The following ADGRB3 variants were observed in gnomAD, a reference collection of about 807,000 sequenced individuals.
The protein encoded by ADGRB3 is brain-specific angiogenesis inhibitor 3.
In ADGRB3, 37 loss-of-function variants were observed where a neutral mutation model predicts 193.4. That is an observed-to-expected ratio of 0.19 (90% CI 0.15 to 0.25). ADGRB3 has a LOEUF of 0.25. Among genes scored for constraint, ADGRB3 ranks in the 10% least tolerant of loss-of-function variants. The pLI, the probability that ADGRB3 is intolerant of heterozygous loss-of-function variation, is 1.00. For synonymous variants in ADGRB3, 690 were observed against 644.2 expected, an observed-to-expected ratio of 1.07 and a Z score of -1.08; for missense variants, 1,637 against 1,852.9, an observed-to-expected ratio of 0.88 and a Z score of 2.14.
intron 3 of ADGRB3, among the ~76,000 whole-genome samples, chr6:68,815,605 GT>G (rs1767616310): frequency 2.7e-5 from 1 of 37,076 alleles, no homozygotes; most frequent in Non-Finnish European, 5.0e-5. Context: ...ATCAAAAATT[GT>G]GTGTGTGTGT....
intron 3 of ADGRB3, among the ~76,000 whole-genome samples, chr6:68,890,766 A>G (rs1386251299): frequency 1.3e-5 from 2 of 152,214 alleles, no homozygotes; most frequent in South Asian, 2.1e-4. Context: ...GAAAATGCCT[A>G]GTATTGAATC....
In ADGRB3 at chr6:68,974,748, T is replaced by G. The variant is rs761424116; in HGVS notation, c.1526-15T>G. The G allele has an allele frequency of 6.2e-7, 1 of 1,611,308 alleles. No individual in the cohort carries two copies. Among genetic ancestry groups the G allele is most frequent in the Non-Finnish European group, 8.5e-7 (1 of 1,177,954 alleles). On this transcript the variant is annotated splice_polypyrimidine_tract_variant and intron_variant, in intron 8 of 31. Transcript: ENST00000370598. Reference sequence around the variant, plus strand: ...AACACTACTGACATTCAAGTCCCTTTGTTTAAAATTGCAGCACCTTATGAA... The same window carrying G: ...AACACTACTGACATTCAAGTCCCTTGGTTTAAAATTGCAGCACCTTATGAA...
intron 3 of ADGRB3, 128 bp from the exon 4 acceptor site, chr6:68,930,431 C>A (rs182378438): frequency 5.7e-4 from 308 of 542,982 alleles, no homozygotes; most frequent in Non-Finnish European, 5.3e-4. Flanking sequence ...ATTAGCCTAG[C>A]AAGTTTAGAA....
At chr6:68,819,668 G>A (rs1767711328) in intron 3 of ADGRB3, among the ~76,000 whole-genome samples, 1 of 151,842 alleles carries the variant, frequency 6.6e-6, no homozygotes, top group African/African-American at 2.4e-5. Context: ...ATTTCCCCAT[G>A]GAAATGTACT....
At chr6:69,094,490 A>G (rs1026246273) in intron 17 of ADGRB3, among the ~76,000 whole-genome samples, 2 of 152,224 alleles carry the variant, frequency 1.3e-5, no homozygotes, top group Non-Finnish European at 2.9e-5. Flanking sequence ...AATGCTAATT[A>G]ATATTTAGCA....
intron 28 of ADGRB3, 23 bp downstream of exon 28, chr6:69,355,883 A>C: frequency 3.2e-6 from 5 of 1,569,990 alleles, no homozygotes; most frequent in Non-Finnish European, 4.4e-6. Flanking sequence ...AGATTTTGAA[A>C]TCTAATCAGT....
chr6:68,866,687 G>A (rs1245668499), intron 3 of ADGRB3, among the ~76,000 whole-genome samples: 1 of 152,176 alleles, frequency 6.6e-6, no homozygotes, highest in Non-Finnish European at 1.5e-5. Flanking sequence ...TAATGGTATG[G>A]ACAATGAAGT....
intron 3 of ADGRB3, among the ~76,000 whole-genome samples, chr6:68,676,346 G>A (rs1016892885): frequency 3.6e-5 from 5 of 138,984 alleles, no homozygotes; most frequent in Non-Finnish European, 7.5e-5. Flanking sequence ...AGCCCAGCTC[G>A]CACCACTGCA....
At chr6:68,706,249 G>C (rs1395988430) in intron 3 of ADGRB3, among the ~76,000 whole-genome samples, 1 of 152,122 alleles carries the variant, frequency 6.6e-6, no homozygotes, top group Non-Finnish European at 1.5e-5. Flanking sequence ...CTGGGACTTA[G>C]AGGAAAGCAG....
chr6:68,833,647 T>C (rs1361962040), intron 3 of ADGRB3, among the ~76,000 whole-genome samples: 1 of 151,642 alleles, frequency 6.6e-6, no homozygotes, highest in African/African-American at 2.4e-5. Context: ...ACCAATTAGC[T>C]ACATATAATT....
intron 23 of ADGRB3, chr6:69,332,358 G>T: frequency 1.0e-6 from 1 of 985,384 alleles, no homozygotes; most frequent in African/African-American, 1.7e-5. Flanking sequence ...AAAAGATTCT[G>T]GTGAATTGAA....
At chr6:69,321,194 G>T (rs929873335) in intron 20 of ADGRB3, among the ~76,000 whole-genome samples, 1 of 151,718 alleles carries the variant, frequency 6.6e-6, no homozygotes, top group East Asian at 1.9e-4. Context: ...CTTCTATTGT[G>T]TCTAGGAATT....
At chr6:68,842,135 C>T (rs887083193) in intron 3 of ADGRB3, among the ~76,000 whole-genome samples, 2 of 151,638 alleles carry the variant, frequency 1.3e-5, no homozygotes, top group Middle Eastern at 3.4e-3. Flanking sequence ...TAACATATAA[C>T]TATATACATC....
intron 17 of ADGRB3, among the ~76,000 whole-genome samples, chr6:69,202,211 A>G (rs1765440286): frequency 6.6e-6 from 1 of 152,174 alleles, no homozygotes; most frequent in Non-Finnish European, 1.5e-5. Flanking sequence ...GTCTCATAAA[A>G]ATGATGTTTT....
At position 69,232,855 on chromosome 6, in the gene ADGRB3, A is replaced by G. The variant is rs1214529299; in HGVS notation, c.2481-435A>G. On this transcript the variant is annotated intron_variant, in intron 17 of 31. Coordinates refer to ENST00000370598, the MANE Select transcript of ADGRB3 (RefSeq NM_001704.3). ...AGAAATCCGCATTTTAAAAGCCAGC[A>G]TTTATGGTCCAAAATATGGGACGGG... Among the ~76,000 whole-genome samples the G allele has an allele frequency of 2.0e-5, 3 of 152,240 alleles. No homozygotes were observed. The East Asian group carries it at 5.8e-4, about 29-fold the overall frequency.
chr6:68,673,365 A>G (rs1334439426), intron 3 of ADGRB3, among the ~76,000 whole-genome samples: 2 of 152,120 alleles, frequency 1.3e-5, no homozygotes, highest in African/African-American at 4.8e-5. Context: ...GCCATTTAAC[A>G]GGAGAAAAAC....
intron 31 of ADGRB3, among the ~76,000 whole-genome samples, chr6:69,383,314 A>G (rs1272748545): frequency 6.6e-6 from 1 of 151,986 alleles, no homozygotes; most frequent in Admixed American, 6.6e-5. Flanking sequence ...TGTTTTATGT[A>G]TATGAAGTTG....
At chr6:68,969,548 A>G (rs748179890) in intron 8 of ADGRB3, among the ~76,000 whole-genome samples, 4 of 152,130 alleles carry the variant, frequency 2.6e-5, no homozygotes, top group Non-Finnish European at 5.9e-5. Flanking sequence ...GGTTTTAAGC[A>G]GAAAATTGTG....
Position 69,076,006 on chromosome 6 carries a change from T to A in ADGRB3, c.2448T>A (p.Asn816Lys), listed in dbSNP as rs759025131. The A allele has an allele frequency of 1.2e-6, 2 of 1,612,238 alleles. No individual in the cohort carries two copies. Among genetic ancestry groups the A allele is most frequent in the Non-Finnish European group, 1.7e-6 (2 of 1,178,728 alleles). The part of the protein sequence containing the change: ...ELAHLANGTL[N>K]PYCVLWDDSK... Reference sequence around the variant, plus strand: ...TGCTTTTTTTTTAGGGTACTTTGAATCCCTATTGTGTATTGTGGGATGACT... The same window carrying A: ...TGCTTTTTTTTTAGGGTACTTTGAAACCCTATTGTGTATTGTGGGATGACT... Residue 816 changes from asparagine (N) to lysine (K), a missense_variant, in exon 17 of 32, where the codon AAT (asparagine) becomes AAA (lysine). Coordinates refer to ENST00000370598, the MANE Select transcript of ADGRB3 (RefSeq NM_001704.3).
Sources: allele counts gnomAD v4.1 joint callset (sites outside exome capture counted in the v4.1 genomes callset), GRCh38; gene constraint gnomAD v4.1.1; transcripts MANE v1.5; gene names NCBI Gene and HGNC (gene_info 2026-07-23, HGNC 2026-07-21).